COL23A1: variants seen among roughly 807,000 people sequenced by gnomAD.
COL23A1 encodes collagen type XXIII alpha 1 chain.
COL23A1 carries 97 observed loss-of-function variants against 99.3 expected under a neutral mutation model. The observed-to-expected ratio is 0.98, with a 90% CI of 0.83 to 1.16. COL23A1 has a LOEUF of 1.16. Ranked by LOEUF, COL23A1 falls within the 50% of genes most tolerant of loss-of-function variation. The pLI is 0.00. For missense variants in COL23A1, 762 were observed against 757.4 expected (o/e 1.01, Z -0.07); for synonymous variants, 320 against 308.2 (o/e 1.04, Z -0.40).
chr5:178,287,828 A>G (rs1757239037), intron 5 of COL23A1, among the ~76,000 whole-genome samples: 1 of 152,206 alleles, frequency 6.6e-6, no homozygotes, highest in African/African-American at 2.4e-5. Flanking sequence ...CGTGGTGCTC[A>G]CTTGGCCGGG....
intron 2 of COL23A1, among the ~76,000 whole-genome samples, chr5:178,337,366 C>T (rs1405655500): frequency 6.6e-6 from 1 of 152,226 alleles, no homozygotes; most frequent in Non-Finnish European, 1.5e-5. Flanking sequence ...ATTTCACCCA[C>T]CTTTCCACTC....
chr5:178,371,550 C>T (rs553604413), intron 2 of COL23A1, among the ~76,000 whole-genome samples: 18 of 152,296 alleles, frequency 1.2e-4, no homozygotes, highest in Non-Finnish European at 1.6e-4. Flanking sequence ...ACTGGACACG[C>T]GGCGACGGGC....
chr5:178,519,148 T>C (rs1035527115), intron 2 of COL23A1, among the ~76,000 whole-genome samples: 1 of 152,238 alleles, frequency 6.6e-6, no homozygotes, highest in Non-Finnish European at 1.5e-5. Context: ...TTCTTTCTGC[T>C]GAACAGCATC....
At chr5:178,520,066 T>C (rs549694850) in intron 2 of COL23A1, among the ~76,000 whole-genome samples, 4 of 152,174 alleles carry the variant, frequency 2.6e-5, no homozygotes, top group Admixed American at 1.3e-4. Flanking sequence ...GGTGGATGGA[T>C]GGATGGATGG....
chr5:178,350,048 C>T (rs1372082274), intron 2 of COL23A1, among the ~76,000 whole-genome samples: 1 of 152,214 alleles, frequency 6.6e-6, no homozygotes, highest in Admixed American at 6.5e-5. Context: ...CCTCTCCAGG[C>T]ACCCTAAAAC....
chr5:178,511,297 G>A (rs528918679), intron 2 of COL23A1, among the ~76,000 whole-genome samples: 3 of 152,278 alleles, frequency 2.0e-5, no homozygotes, highest in Admixed American at 2.0e-4. Context: ...TGACAGTTCT[G>A]TGACATTTGA....
intron 2 of COL23A1, among the ~76,000 whole-genome samples, chr5:178,486,980 A>G (rs745335009): frequency 6.6e-6 from 1 of 152,222 alleles, no homozygotes; most frequent in Non-Finnish European, 1.5e-5. Flanking sequence ...CACAGGACTT[A>G]AAACTGGACG....
At chr5:178,373,581 A>C (rs1319803419) in intron 2 of COL23A1, among the ~76,000 whole-genome samples, 3 of 151,766 alleles carry the variant, frequency 2.0e-5, no homozygotes, top group Non-Finnish European at 4.4e-5. Flanking sequence ...CAGCCCAGCT[A>C]CTTTTTTTAT....
chr5:178,437,296 C>T (rs1207991712), intron 2 of COL23A1, among the ~76,000 whole-genome samples: 1 of 152,174 alleles, frequency 6.6e-6, no homozygotes, highest in Non-Finnish European at 1.5e-5. Flanking sequence ...CTGGCTGTCA[C>T]AGAAATCTCG....
At chr5:178,341,344 C>T (rs553540922) in intron 2 of COL23A1, among the ~76,000 whole-genome samples, 5 of 152,312 alleles carry the variant, frequency 3.3e-5, no homozygotes, top group African/African-American at 4.8e-5. Flanking sequence ...CAAGATAGGT[C>T]GGTCAACACT....
intron 2 of COL23A1, among the ~76,000 whole-genome samples, chr5:178,413,102 T>C (rs1765133003): frequency 1.3e-5 from 2 of 152,080 alleles, no homozygotes; most frequent in South Asian, 4.1e-4. Context: ...AGGATCACTT[T>C]AGCCCAAAAG....
chr5:178,536,983 C>T, intron 2 of COL23A1, among the ~76,000 whole-genome samples: 1 of 152,222 alleles, frequency 6.6e-6, no homozygotes, highest in East Asian at 1.9e-4. Flanking sequence ...CCACACAGGC[C>T]CATCCTCACC....
At position 178,334,707 on chromosome 5, in the gene COL23A1, C is replaced by T. The variant is rs533448818; in HGVS notation, c.362-27788G>A. Among the ~76,000 whole-genome samples the T allele has an allele frequency of 1.2e-4, 18 of 152,260 alleles. No individual in the cohort carries two copies. The South Asian group carries it at 3.7e-3, about 32-fold the overall frequency. On this transcript the variant is annotated intron_variant, in intron 2 of 28. Coordinates refer to ENST00000390654, the MANE Select transcript of COL23A1 (RefSeq NM_173465.4). ...ACCTGCCATCTGCACTTAAAGACAG[C>T]GACACGAACCCCACTAGATGACACG...
chr5:178,312,819 C>T (rs1266784257), intron 2 of COL23A1, among the ~76,000 whole-genome samples: 1 of 152,178 alleles, frequency 6.6e-6, no homozygotes, highest in Non-Finnish European at 1.5e-5. Context: ...TTCATGGAAT[C>T]CACACAACAG....
At chr5:178,356,665 C>A (rs1022501514) in intron 2 of COL23A1, among the ~76,000 whole-genome samples, 6 of 152,338 alleles carry the variant, frequency 3.9e-5, no homozygotes, top group Non-Finnish European at 5.9e-5. Flanking sequence ...TCCCCAGTCC[C>A]CACATTAAAG....
intron 26 of COL23A1, 44 bp downstream of exon 26, chr5:178,242,297 T>C: frequency 1.3e-6 from 2 of 1,599,878 alleles, no homozygotes; most frequent in Non-Finnish European, 1.7e-6. Flanking sequence ...ACCTGCCTCC[T>C]TCCCCCTCTC....
At chr5:178,578,145 A>T (rs896415183) in intron 1 of COL23A1, among the ~76,000 whole-genome samples, 1 of 151,368 alleles carries the variant, frequency 6.6e-6, no homozygotes, top group Non-Finnish European at 1.5e-5. Flanking sequence ...GCATGCACAC[A>T]CATGCACACA....
At chr5:178,288,197 A>G (rs562721607) in intron 5 of COL23A1, 127 bp downstream of exon 5, 1 of 912,854 alleles carries the variant, frequency 1.1e-6, no homozygotes, top group African/African-American at 1.6e-5. Flanking sequence ...TCGCCTCCAC[A>G]GAAAGACCAC....
chr5:178,260,441 ACTGT>A (rs1465811972), intron 11 of COL23A1, among the ~76,000 whole-genome samples: 1 of 152,216 alleles, frequency 6.6e-6, no homozygotes, highest in Non-Finnish European at 1.5e-5. Context: ...AAGGCCACAC[ACTGT>A]CTGATTCCAA....
Sources: gnomAD v4.1 joint callset for allele counts (sites outside exome capture counted in the v4.1 genomes callset) on GRCh38, gnomAD v4.1.1 for gene constraint, MANE v1.5 for transcripts, NCBI Gene and HGNC (gene_info 2026-07-23, HGNC 2026-07-21) for gene names.